The following LIN28B variants were observed in gnomAD, a reference collection of about 807,000 sequenced individuals.
LIN28B encodes the protein protein lin-28 homolog B.
LIN28B carries 5 observed loss-of-function variants against 21.9 expected under a neutral mutation model. The observed-to-expected ratio is 0.23, with a 90% CI of 0.12 to 0.48. LIN28B has a LOEUF of 0.48. Ranked by LOEUF, LIN28B falls within the 20% of genes least tolerant of loss-of-function variation. LIN28B has a pLI of 0.98. For synonymous variants in LIN28B, 109 were observed against 111.3 expected, an observed-to-expected ratio of 0.98 and a Z score of 0.13; for missense variants, 245 against 310.5, an observed-to-expected ratio of 0.79 and a Z score of 1.58.
rs1356048847 is a variant in LIN28B, at chr6:104,957,389, A to AC, written c.10+135dup. ...CCCCAATACTGGGCATTACCTCCCA[A>AC]CCCCCCATCACGCAGTGGGGCTTTC... On this transcript the variant is annotated intron_variant, in intron 1 of 3. Coordinates refer to ENST00000345080, the MANE Select transcript of LIN28B (RefSeq NM_001004317.4). 1.8e-5 allele frequency: 10 copies of AC among 551,010 alleles called. No individual in the cohort carries two copies. In the African/African-American group the frequency reaches 2.3e-4, roughly 13 times the overall value. 34.1% of individuals were successfully genotyped at this position (551,010 alleles called of 1,614,324 possible).
intron 3 of LIN28B, among the ~76,000 whole-genome samples, chr6:105,037,302 G>A (rs1420236162): frequency 6.6e-6 from 1 of 152,132 alleles, no homozygotes; most frequent in African/African-American, 2.4e-5. Context: ...TCTCCAGCTA[G>A]ACTTTTTAAA....
At chr6:104,983,879 T>C (rs894224620) in intron 2 of LIN28B, among the ~76,000 whole-genome samples, 1 of 152,162 alleles carries the variant, frequency 6.6e-6, no homozygotes, top group East Asian at 1.9e-4. Flanking sequence ...CCTGGTCGAT[T>C]CTCCAGGTGT....
At chr6:104,960,491 G>C (rs1372296842) in intron 2 of LIN28B, among the ~76,000 whole-genome samples, 1 of 151,998 alleles carries the variant, frequency 6.6e-6, no homozygotes, top group Non-Finnish European at 1.5e-5. Flanking sequence ...GTTGTGAAAG[G>C]ATATGTATCA....
At chr6:105,012,111 T>C (rs955521891) in intron 2 of LIN28B, among the ~76,000 whole-genome samples, 3 of 151,542 alleles carry the variant, frequency 2.0e-5, no homozygotes, top group Non-Finnish European at 4.4e-5. Flanking sequence ...TGAGCCGAGA[T>C]TGCGCCACTG....
rs796614329 is a variant in LIN28B at position 104,989,595 on chromosome 6, T to TG, written c.198+31309_198+31310insG. On this transcript the variant is annotated intron_variant, in intron 2 of 3. Coordinates refer to ENST00000345080, the MANE Select transcript of LIN28B (RefSeq NM_001004317.4). ...ACTTGGGTTTTTTTTTTTTTTTTTT[T>TG]TTTTTTGCATTTTTTTGAGACAGAG... Among the ~76,000 whole-genome samples, 527 of 139,512 alleles carry TG rather than the reference T, an allele frequency of 3.8e-3. 6 individuals are homozygous for TG. Among genetic ancestry groups the TG allele is most frequent in the African/African-American group, 0.014 (512 of 37,422 alleles). The allele number at this position is 139,512 out of a possible 152,430, so 91.5% of individuals were successfully genotyped here. A position where few individuals can be genotyped will look rare whatever the true frequency, so the allele number is the denominator to read the frequency against.
intron 2 of LIN28B, among the ~76,000 whole-genome samples, chr6:104,986,523 C>G (rs1469564613): frequency 8.8e-6 from 1 of 113,158 alleles, no homozygotes; most frequent in Admixed American, 1.1e-4. Flanking sequence ...TCAGCTTGTT[C>G]ATTTCTACCA....
At chr6:105,008,135 T>C (rs1445939630) in intron 2 of LIN28B, among the ~76,000 whole-genome samples, 2 of 152,220 alleles carry the variant, frequency 1.3e-5, no homozygotes, top group Admixed American at 6.5e-5. Flanking sequence ...TGTCTATGCC[T>C]GTTTTCCCCT....
intron 2 of LIN28B, among the ~76,000 whole-genome samples, chr6:105,013,624 AGAGATT>A (rs1476802374): frequency 6.6e-6 from 1 of 151,316 alleles, no homozygotes; most frequent in East Asian, 2.0e-4. Flanking sequence ...CAGCTACTCG[AGAGATT>A]GAGGTGGGAG....
At chr6:105,061,725 T>C (rs1390640142) in intron 3 of LIN28B, among the ~76,000 whole-genome samples, 1 of 152,172 alleles carries the variant, frequency 6.6e-6, no homozygotes, top group Non-Finnish European at 1.5e-5. Context: ...AGTATGAAGC[T>C]TACTTATAGA....
rs529407888 is a variant in LIN28B at position 105,009,881 on chromosome 6, G to A, written c.199-16417G>A. On this transcript the variant is annotated intron_variant, in intron 2 of 3. Transcript: ENST00000345080. ...AAGAGTATAGTCTGAAAATAATTCCGCAGATTCACTTCAAAGTTCTTATAC... is the reference window on the plus strand; with the variant it reads ...AAGAGTATAGTCTGAAAATAATTCCACAGATTCACTTCAAAGTTCTTATAC... 5.3e-5 allele frequency among the ~76,000 whole-genome samples: 8 copies of A among 152,058 alleles called. No homozygotes were observed. In the East Asian group the frequency reaches 1.5e-3, roughly 29 times the overall value.
At chr6:104,999,184 G>A (rs1770671281) in intron 2 of LIN28B, among the ~76,000 whole-genome samples, 1 of 152,076 alleles carries the variant, frequency 6.6e-6, no homozygotes. Flanking sequence ...TTGAGGTGGG[G>A]GCTAGAGTTC....
At chr6:105,026,887 A>T (rs1316618102) in intron 3 of LIN28B, among the ~76,000 whole-genome samples, 1 of 152,142 alleles carries the variant, frequency 6.6e-6, no homozygotes, top group African/African-American at 2.4e-5. Flanking sequence ...ATAATATAAA[A>T]ACCGTAAAGA....
chr6:105,066,658 TATG>T (rs1287486856), intron 3 of LIN28B, among the ~76,000 whole-genome samples: 2 of 152,196 alleles, frequency 1.3e-5, no homozygotes. Flanking sequence ...GTATTTTTAA[TATG>T]GTGTTAAAAT....
intron 3 of LIN28B, among the ~76,000 whole-genome samples, chr6:105,043,730 C>T (rs898113190): frequency 5.9e-5 from 9 of 151,854 alleles, no homozygotes; most frequent in African/African-American, 2.2e-4. Flanking sequence ...TACAGGTGTG[C>T]ACCACCATGC....
chr6:104,957,221 G>A lies in LIN28B; in HGVS notation c.-30G>A, dbSNP rs763054364. ...TCCAAAGGGAAAGTTTTCATCTCAC[G>A]AGTTTGGAGCTGAGGGCCCGTGGGG... On this transcript the variant is annotated 5_prime_UTR_variant, in exon 1 of 4. Transcript: ENST00000345080. 1.2e-6 allele frequency: 2 copies of A among 1,613,690 alleles called. No individual in the cohort carries two copies. The highest frequency in any genetic ancestry group is 2.7e-5 in the African/African-American group (2 of 74,898).
chr6:104,943,764 C>CATTT (rs879385022), intron 2 of LIN28B, among the ~76,000 whole-genome samples: 2 of 152,028 alleles, frequency 1.3e-5, no homozygotes, highest in Non-Finnish European at 2.9e-5. Flanking sequence ...ATTTTCTTTA[C>CATTT]AAATAACTAC....
chr6:104,973,506 GTCTCCT>G (rs1479603611), intron 2 of LIN28B, among the ~76,000 whole-genome samples: 3 of 152,124 alleles, frequency 2.0e-5, no homozygotes, highest in African/African-American at 7.2e-5. Context: ...TCTTTCTTTA[GTCTCCT>G]TCTCCTCTCT....
chr6:104,946,343 A>G (rs1778156286), intron 2 of LIN28B, among the ~76,000 whole-genome samples: 1 of 152,090 alleles, frequency 6.6e-6, no homozygotes, highest in East Asian at 1.9e-4. Context: ...AGCTACATCT[A>G]TGATTAAAGT....
In LIN28B at chr6:104,991,309, G is replaced by A. The variant is rs552883534; in HGVS notation, c.198+33023G>A. Among the ~76,000 whole-genome samples the A allele has an allele frequency of 1.8e-3, 269 of 150,936 alleles. 2 individuals are homozygous for A. Among genetic ancestry groups the A allele is most frequent in the Admixed American group, 2.3e-3 (35 of 15,194 alleles). On this transcript the variant is annotated intron_variant, in intron 2 of 3. Transcript: ENST00000345080. ...TCACTTCTCGGACGGGGCGGCTGCC[G>A]CGCGGAGGGGCTCCTCACCTCTCAG...
Sources: gnomAD v4.1 joint callset for allele counts (sites outside exome capture counted in the v4.1 genomes callset) on GRCh38, gnomAD v4.1.1 for gene constraint, MANE v1.5 for transcripts, NCBI Gene and HGNC (gene_info 2026-07-23, HGNC 2026-07-21) for gene names.